Variants in FSTL5 observed in about 807,000 individuals in gnomAD.
FSTL5 encodes follistatin-related protein 5.
FSTL5 carries 62 observed loss-of-function variants against 89.1 expected under a neutral mutation model. That is an observed-to-expected ratio of 0.70 (90% CI 0.57 to 0.86). FSTL5 has a LOEUF of 0.86. Among genes scored for constraint, FSTL5 ranks in the 40% least tolerant of loss-of-function variants. The probability of loss-of-function intolerance (pLI) is 0.00; values close to 1 mark genes in which losing one functional copy is unlikely to be tolerated. For missense variants in FSTL5, 1,057 were observed against 1,001.6 expected, an observed-to-expected ratio of 1.06 and a Z score of -0.75; for synonymous variants, 383 against 346.2, an observed-to-expected ratio of 1.11 and a Z score of -1.18.
chr4:162,106,867 T>C lies in FSTL5; in HGVS notation c.126+4404A>G, dbSNP rs570874980. Among the ~76,000 whole-genome samples, 4 of 152,344 alleles carry C rather than the reference T, an allele frequency of 2.6e-5. No individual in the cohort carries two copies. The East Asian group carries it at 5.8e-4, about 22-fold the overall frequency. On this transcript the variant is annotated intron_variant, in intron 2 of 15. Transcript: ENST00000306100. ...AATTGTTAGGACATTTTACTCATCA[T>C]AGTTATTTAGGCAGTTTGGAATACT...
chr4:161,775,526 G>C (rs964581509), intron 5 of FSTL5, among the ~76,000 whole-genome samples: 3 of 152,020 alleles, frequency 2.0e-5, no homozygotes, highest in African/African-American at 7.2e-5. Context: ...GGATAAATCA[G>C]CTTTTATTGA....
intron 7 of FSTL5, among the ~76,000 whole-genome samples, chr4:161,602,280 AGAGAGAGAGAGAG>A (rs1734277715): frequency 6.6e-6 from 1 of 150,722 alleles, no homozygotes; most frequent in African/African-American, 2.5e-5. Context: ...AGAGAGAGAG[AGAGAGAGAGAGAG>A]GATTAATGCA....
At position 161,538,151 on chromosome 4, in the gene FSTL5, T is replaced by C. The variant is rs767655763; in HGVS notation, c.1312+15A>G. 17 of 1,612,842 alleles carry C rather than the reference T, an allele frequency of 1.1e-5. No homozygotes were observed. Among genetic ancestry groups the C allele is most frequent in the Non-Finnish European group, 1.4e-5 (17 of 1,179,194 alleles). On this transcript the variant is annotated intron_variant, in intron 10 of 15. Coordinates refer to ENST00000306100, the MANE Select transcript of FSTL5 (RefSeq NM_020116.5). ...AATATGGTGTGTGTGTGCTGTTGGG[T>C]GGTTCTATACATACGGGTCTTTCTA...
At chr4:162,037,325 T>C (rs1737779905) in intron 2 of FSTL5, among the ~76,000 whole-genome samples, 1 of 151,894 alleles carries the variant, frequency 6.6e-6, no homozygotes, top group African/African-American at 2.4e-5. Flanking sequence ...TATTCAATCT[T>C]GATTTATTTT....
chr4:162,013,291 GAC>G (rs1202347439), intron 3 of FSTL5, among the ~76,000 whole-genome samples: 1 of 152,166 alleles, frequency 6.6e-6, no homozygotes, highest in African/African-American at 2.4e-5. Context: ...CTTTGGGAAT[GAC>G]AGTGTTGAAG....
intron 7 of FSTL5, among the ~76,000 whole-genome samples, chr4:161,613,126 T>C (rs1271913886): frequency 1.3e-5 from 2 of 152,102 alleles, no homozygotes; most frequent in Non-Finnish European, 2.9e-5. Flanking sequence ...GATAATTCAC[T>C]AATGCGGCAC....
chr4:161,788,618 G>A (rs1173258048), intron 4 of FSTL5, among the ~76,000 whole-genome samples: 1 of 152,192 alleles, frequency 6.6e-6, no homozygotes, highest in South Asian at 2.1e-4. Context: ...GGGCATCACT[G>A]CTCATGCCTA....
At chr4:161,947,053 A>T (rs746822038) in intron 3 of FSTL5, among the ~76,000 whole-genome samples, 25 of 151,872 alleles carry the variant, frequency 1.6e-4, no homozygotes, top group Non-Finnish European at 3.7e-4. Context: ...TTTTTTGTCC[A>T]GATGTATTGG....
chr4:161,535,485 G>A (rs143670508), intron 10 of FSTL5, among the ~76,000 whole-genome samples: 6 of 151,978 alleles, frequency 3.9e-5, no homozygotes, highest in African/African-American at 7.2e-5. Context: ...AATGCTCCAC[G>A]TCATCACTCT....
intron 1 of FSTL5, among the ~76,000 whole-genome samples, chr4:162,130,716 A>G (rs750565358): frequency 3.2e-4 from 49 of 152,216 alleles, no homozygotes; most frequent in Non-Finnish European, 5.6e-4. Context: ...GAATAATTAA[A>G]CTTATAACAG....
intron 6 of FSTL5, among the ~76,000 whole-genome samples, chr4:161,757,563 A>T (rs934157617): frequency 1.3e-5 from 2 of 152,062 alleles, no homozygotes; most frequent in African/African-American, 4.8e-5. Flanking sequence ...CTATTTGTTA[A>T]TTTCTGTGTA....
intron 8 of FSTL5, among the ~76,000 whole-genome samples, chr4:161,575,436 G>A (rs1418503343): frequency 1.3e-5 from 2 of 151,868 alleles, no homozygotes; most frequent in African/African-American, 4.8e-5. Flanking sequence ...GTCTTGAATG[G>A]TATTGTCCAG....
intron 13 of FSTL5, among the ~76,000 whole-genome samples, chr4:161,464,637 A>C (rs114910879): frequency 1.3e-5 from 2 of 152,208 alleles, no homozygotes; most frequent in African/African-American, 2.4e-5. Flanking sequence ...AGGTCAATGA[A>C]ATAAACCATG....
At chr4:161,431,862 G>C (rs1732386585) in intron 15 of FSTL5, among the ~76,000 whole-genome samples, 1 of 151,902 alleles carries the variant, frequency 6.6e-6, no homozygotes, top group African/African-American at 2.4e-5. Context: ...AACTATAAAA[G>C]GCAAAGAAGA....
chr4:161,919,532 G>A (rs1292126449), intron 4 of FSTL5, among the ~76,000 whole-genome samples: 2 of 152,106 alleles, frequency 1.3e-5, no homozygotes, highest in Admixed American at 1.3e-4. Context: ...TTTAAGCTAG[G>A]AGTAAAAATA....
chr4:161,683,654 T>C (rs2126711135), intron 6 of FSTL5, among the ~76,000 whole-genome samples: 1 of 152,320 alleles, frequency 6.6e-6, no homozygotes, highest in African/African-American at 2.4e-5. Context: ...TGTATGTGTG[T>C]GAGTATAAAT....
chr4:162,068,133 A>G (rs1325545662), intron 2 of FSTL5, among the ~76,000 whole-genome samples: 1 of 152,184 alleles, frequency 6.6e-6, no homozygotes, highest in Non-Finnish European at 1.5e-5. Flanking sequence ...TGCTCAAAGT[A>G]GTTTATAGAT....
intron 12 of FSTL5, among the ~76,000 whole-genome samples, chr4:161,495,823 G>T (rs1459861910): frequency 1.3e-5 from 2 of 151,916 alleles, no homozygotes; most frequent in African/African-American, 2.4e-5. Context: ...TGGGAAAAAT[G>T]GTTCCAAAAG....
chr4:161,699,505 C>T (rs1023931343), intron 6 of FSTL5, among the ~76,000 whole-genome samples: 1 of 152,068 alleles, frequency 6.6e-6, no homozygotes, highest in Admixed American at 6.6e-5. Context: ...GAAGTAGCAG[C>T]TTGTGTTGTG....
Sources: allele counts gnomAD v4.1 joint callset (sites outside exome capture counted in the v4.1 genomes callset), GRCh38; gene constraint gnomAD v4.1.1; transcripts MANE v1.5; gene names NCBI Gene and HGNC (gene_info 2026-07-23, HGNC 2026-07-21).